The following NALF1 variants were observed in gnomAD, a reference collection of about 807,000 sequenced individuals.
NALF1 encodes family with sequence similarity 155 member A.
NALF1 carries 3 observed loss-of-function variants against 48.4 expected under a neutral mutation model. The observed-to-expected ratio is 0.06, with a 90% CI of 0.03 to 0.16. The LOEUF (loss-of-function observed/expected upper bound fraction) is 0.16, where lower values mean the gene tolerates loss of function less well. Among genes scored for constraint, NALF1 ranks in the 10% least tolerant of loss-of-function variants. The pLI is 1.00. For missense variants in NALF1, 526 were observed against 571.5 expected (o/e 0.92, Z 0.81); for synonymous variants, 262 against 245.7 (o/e 1.07, Z -0.62).
intron 1 of NALF1, among the ~76,000 whole-genome samples, chr13:107,590,736 T>C (rs1346389482): frequency 6.6e-6 from 1 of 151,996 alleles, no homozygotes; most frequent in Admixed American, 6.6e-5. Context: ...CAGTTTACAT[T>C]GCCTTATGAG....
chr13:107,588,371 G>C (rs1386877446), intron 1 of NALF1, among the ~76,000 whole-genome samples: 2 of 152,080 alleles, frequency 1.3e-5, no homozygotes, highest in Admixed American at 6.6e-5. Flanking sequence ...TGAGAAATGA[G>C]ACTGTGACAA....
At chr13:107,597,230 G>A (rs1242740166) in intron 1 of NALF1, among the ~76,000 whole-genome samples, 1 of 152,142 alleles carries the variant, frequency 6.6e-6, no homozygotes, top group Non-Finnish European at 1.5e-5. Flanking sequence ...AGCAGCAGGT[G>A]TATTACCTTA....
chr13:107,770,991 G>A (rs1594255767), intron 1 of NALF1, among the ~76,000 whole-genome samples: 1 of 152,094 alleles, frequency 6.6e-6, no homozygotes, highest in African/African-American at 2.4e-5. Flanking sequence ...GGGAGCCTGG[G>A]TGTAGCTCCT....
At chr13:107,289,175 T>C (rs1367251628) in intron 1 of NALF1, among the ~76,000 whole-genome samples, 1 of 152,206 alleles carries the variant, frequency 6.6e-6, no homozygotes, top group Non-Finnish European at 1.5e-5. Context: ...GCAAGGTCTT[T>C]GCTCCAGCGT....
At chr13:107,367,768 G>A (rs1250251402) in intron 1 of NALF1, among the ~76,000 whole-genome samples, 8 of 152,148 alleles carry the variant, frequency 5.3e-5, no homozygotes, top group African/African-American at 7.2e-5. Flanking sequence ...ATCATTATCC[G>A]TTGACCATCT....
At chr13:107,787,701 A>G (rs1027041971) in intron 1 of NALF1, among the ~76,000 whole-genome samples, 1 of 152,210 alleles carries the variant, frequency 6.6e-6, no homozygotes, top group Non-Finnish European at 1.5e-5. Context: ...TGTTTTTAGA[A>G]AAAATTACTA....
intron 1 of NALF1, among the ~76,000 whole-genome samples, chr13:107,343,866 C>G (rs1882726387): frequency 6.6e-6 from 1 of 151,028 alleles, no homozygotes; most frequent in Admixed American, 6.6e-5. Flanking sequence ...GACCAGAAAT[C>G]AACAAAGTAG....
intron 1 of NALF1, among the ~76,000 whole-genome samples, chr13:107,225,999 G>A (rs147375015): frequency 2.6e-4 from 40 of 152,142 alleles, no homozygotes; most frequent in Admixed American, 1.3e-3. Context: ...TGCCACACAC[G>A]TGGACGTTTC....
At chr13:107,406,996 G>C (rs1320262410) in intron 1 of NALF1, among the ~76,000 whole-genome samples, 6 of 151,968 alleles carry the variant, frequency 3.9e-5, no homozygotes, top group Non-Finnish European at 8.8e-5. Context: ...TGACAAAGGT[G>C]TCAAGAACAT....
At chr13:107,631,797 T>C (rs1011032824) in intron 1 of NALF1, among the ~76,000 whole-genome samples, 4 of 152,128 alleles carry the variant, frequency 2.6e-5, no homozygotes, top group South Asian at 2.1e-4. Flanking sequence ...AGATTATATA[T>C]ATAGCCAGAA....
chr13:107,218,736 T>C (rs938668165), intron 1 of NALF1, among the ~76,000 whole-genome samples: 3 of 152,158 alleles, frequency 2.0e-5, no homozygotes, highest in Admixed American at 6.6e-5. Flanking sequence ...CAATATGGGA[T>C]TGGGTTGCAA....
intron 1 of NALF1, among the ~76,000 whole-genome samples, chr13:107,749,591 T>C (rs576447406): frequency 1.3e-5 from 2 of 151,958 alleles, no homozygotes; most frequent in Non-Finnish European, 2.9e-5. Flanking sequence ...TAATATACTA[T>C]GTAGTATATA....
At chr13:107,400,225 A>G (rs1378256631) in intron 1 of NALF1, among the ~76,000 whole-genome samples, 2 of 152,162 alleles carry the variant, frequency 1.3e-5, no homozygotes, top group African/African-American at 4.8e-5. Context: ...ATTTATGCAC[A>G]TATAGGCATG....
chr13:107,822,421 C>T (rs1879386721), intron 1 of NALF1, among the ~76,000 whole-genome samples: 1 of 151,964 alleles, frequency 6.6e-6, no homozygotes, highest in African/African-American at 2.4e-5. Context: ...TCAGCAGCAG[C>T]AGCACCTGAG....
chr13:107,775,604 AGTTCTAGATCCCTGAG>A (rs1172014534), intron 1 of NALF1, among the ~76,000 whole-genome samples: 1 of 151,104 alleles, frequency 6.6e-6, no homozygotes, highest in Non-Finnish European at 1.5e-5. Context: ...TGGTATTTCT[AGTTCTAGATCCCTGAG>A]GAATCGCCAC....
intron 2 of NALF1, among the ~76,000 whole-genome samples, chr13:107,191,990 G>A (rs1044881091): frequency 3.3e-5 from 5 of 151,782 alleles, no homozygotes; most frequent in Admixed American, 3.3e-4. Flanking sequence ...CCAATTCTGT[G>A]TTCTTATAAG....
intron 2 of NALF1, among the ~76,000 whole-genome samples, chr13:107,188,899 T>C (rs992124595): frequency 1.3e-5 from 2 of 152,046 alleles, no homozygotes; most frequent in South Asian, 2.1e-4. Flanking sequence ...TAAAATGTAA[T>C]GCAAGTACAA....
At chr13:107,245,478 T>G (rs56076446) in intron 1 of NALF1, among the ~76,000 whole-genome samples, 22,659 of 152,120 alleles carry the variant, frequency 0.15, 2,236 homozygotes, top group East Asian at 0.4. Flanking sequence ...GTAATAACTC[T>G]GATTTCCAAG....
intron 1 of NALF1, among the ~76,000 whole-genome samples, chr13:107,688,729 A>G (rs1485559996): frequency 2.0e-5 from 3 of 152,222 alleles, no homozygotes. Context: ...ATGTCGAAGC[A>G]GTCCTACCTC....
Sources: gnomAD v4.1 joint callset for allele counts (sites outside exome capture counted in the v4.1 genomes callset) on GRCh38, gnomAD v4.1.1 for gene constraint, MANE v1.5 for transcripts, NCBI Gene and HGNC (gene_info 2026-07-23, HGNC 2026-07-21) for gene names.